Variants in HTR3A observed in about 807,000 individuals in gnomAD.
The protein encoded by HTR3A is 5-hydroxytryptamine receptor 3A, also known as 5-hydroxytryptamine (serotonin) receptor 3A, ionotropic.
In HTR3A, 45 loss-of-function variants were observed where a neutral mutation model predicts 54.8. The ratio of observed to expected loss-of-function variants is 0.82; its 90% CI spans 0.65 to 1.05. HTR3A has a LOEUF of 1.05. Among genes scored for constraint, HTR3A ranks in the 50% least tolerant of loss-of-function variants. HTR3A has a pLI of 0.00. For synonymous variants in HTR3A, 297 were observed against 256.0 expected (o/e 1.16, Z -1.53); for missense variants, 657 against 614.0 (o/e 1.07, Z -0.74).
chr11:113,985,141 C>G (rs570712835), intron 5 of HTR3A, among the ~76,000 whole-genome samples: 1 of 152,106 alleles, frequency 6.6e-6, no homozygotes, highest in Non-Finnish European at 1.5e-5. Flanking sequence ...TATATTTTTC[C>G]AAATCCTTCT....
Position 113,986,131 on chromosome 11 carries a change from T to G in HTR3A, c.661T>G (p.Phe221Val). The G allele has an allele frequency of 1.2e-6, 2 of 1,613,506 alleles. No homozygotes were observed. Among genetic ancestry groups the G allele is most frequent in the Non-Finnish European group, 1.7e-6 (2 of 1,179,924 alleles). Reference protein sequence around the residue: ...LLGVLPYFREFSMESSNYYAE... With the variant: ...LLGVLPYFREVSMESSNYYAE... ...GGGGGTGCTGCCCTACTTTCGGGAG[T>G]TCAGCATGGAAAGCAGTAACTACTA... Residue 221 changes from phenylalanine (F) to valine (V), a missense_variant, in exon 6 of 9, where the codon TTC becomes GTC. Coordinates refer to ENST00000504030, the MANE Select transcript of HTR3A (RefSeq NM_000869.6).
intron 1 of HTR3A, 117 bp downstream of exon 1, chr11:113,975,509 G>A (rs1029796095): frequency 5.0e-5 from 41 of 815,150 alleles, no homozygotes; most frequent in Non-Finnish European, 7.6e-5. Context: ...GCAGCTGCAG[G>A]AAGGTCAGCT....
chr11:113,986,105 T>G lies in HTR3A; in HGVS notation c.635T>G (p.Leu212Arg), dbSNP rs369391589. ...VFMNQGEWEL[L>R]GVLPYFREFS... ...ATGAACCAGGGAGAGTGGGAGTTGC[T>G]GGGGGTGCTGCCCTACTTTCGGGAG... is the stretch of plus-strand genomic sequence containing the variant. The change falls in exon 6 of 9, where the codon CTG becomes CGG. Residue 212 changes from leucine to arginine, a missense_variant. Physicochemically the swap from Leu to Arg is moderately radical, Grantham distance 102. Transcript: ENST00000504030. 1 of 1,614,054 alleles carries G rather than the reference T, an allele frequency of 6.2e-7. No individual in the cohort carries two copies. Among genetic ancestry groups the G allele is most frequent in the African/African-American group, 1.3e-5 (1 of 74,910 alleles).
rs139246177 is a variant in HTR3A, at chr11:113,986,125, C to T, written c.655C>T (p.Arg219Trp). ...GTTGCTGGGGGTGCTGCCCTACTTT[C>T]GGGAGTTCAGCATGGAAAGCAGTAA... Reference protein sequence around the residue: ...WELLGVLPYFREFSMESSNYY... With the variant: ...WELLGVLPYFWEFSMESSNYY... The change falls in exon 6 of 9, where the codon CGG becomes TGG. Residue 219 changes from arginine to tryptophan, a missense_variant. Transcript: ENST00000504030. 189 of 1,613,988 alleles carry T rather than the reference C, an allele frequency of 1.2e-4. No individual in the cohort carries two copies. The highest frequency in any genetic ancestry group is 4.7e-5 in the Non-Finnish European group (55 of 1,180,036).
intron 1 of HTR3A, among the ~76,000 whole-genome samples, chr11:113,976,309 G>T (rs1006206104): frequency 5.9e-5 from 9 of 152,008 alleles, no homozygotes; most frequent in African/African-American, 2.2e-4. Context: ...ATGGTCCTTT[G>T]CCCCGGGCCT....
At chr11:113,983,364 C>A (rs1220149287) in intron 5 of HTR3A, 75 bp downstream of exon 5, 3 of 1,530,134 alleles carry the variant, frequency 2.0e-6, no homozygotes, top group Non-Finnish European at 2.7e-6. Flanking sequence ...GGAGTGCTCC[C>A]CAGGGCGCCT....
chr11:113,983,276 T>C lies in HTR3A; in HGVS notation c.531T>C (p.Ser177=). 1 of 1,614,064 alleles carries C rather than the reference T, an allele frequency of 6.2e-7. No homozygotes were observed. The highest frequency in any genetic ancestry group is 1.1e-5 in the South Asian group (1 of 91,076). ...DVQNCSLTFT[S]WLHTIQDINI... ...AGAACTGCTCGCTGACCTTCACCAG[T>C]TGGCTGCACACCAGTGAGTATGTGG... The change falls in exon 5 of 9, where the codon AGT becomes AGC. Residue 177 remains serine (S), a synonymous_variant. Transcript: ENST00000504030.
At chr11:113,976,405 C>T (rs769606289) in intron 1 of HTR3A, among the ~76,000 whole-genome samples, 3 of 152,024 alleles carry the variant, frequency 2.0e-5, no homozygotes, top group East Asian at 1.9e-4. Flanking sequence ...AAGACGCACA[C>T]GGGTCTGCGT....
In HTR3A at chr11:113,989,997, C is replaced by A; in HGVS notation, c.*234C>A. ...TACACCCTTGTCCCACCCCCAGCAG[C>A]TCACCATGGCTTTAAAACATGCTGT... On this transcript the variant is annotated 3_prime_UTR_variant, in exon 9 of 9. Coordinates refer to ENST00000504030, the MANE Select transcript of HTR3A (RefSeq NM_000869.6). This position sits in a 1 kb window ranked among gnomAD's most constrained non-coding sequence, Gnocchi z 4.4. 1.5e-6 allele frequency: 1 copy of A among 677,982 alleles called. No individual in the cohort carries two copies. The highest frequency in any genetic ancestry group is 1.5e-5 in the South Asian group (1 of 66,470). 42.0% of individuals were successfully genotyped at this position (677,982 alleles called of 1,614,324 possible). A position where few individuals can be genotyped will look rare whatever the true frequency, so the allele number is the denominator to read the frequency against.
rs755147159 is a variant in HTR3A, at chr11:113,983,150, G to T, written c.405G>T (p.Pro135=). The T allele has an allele frequency of 6.2e-7, 1 of 1,614,194 alleles. No homozygotes were observed. Among genetic ancestry groups the T allele is most frequent in the African/African-American group, 1.3e-5 (1 of 75,034 alleles). The part of the protein sequence containing the change: ...FVDVGKSPNI[P]YVYIRHQGEV... ...ATGTGGGGAAGTCTCCAAATATCCC[G>T]TACGTGTATATTCGGCATCAAGGCG... The change falls in exon 5 of 9, where the codon CCG becomes CCT. Residue 135 remains proline, a synonymous_variant. Transcript: ENST00000504030.
intron 5 of HTR3A, among the ~76,000 whole-genome samples, chr11:113,984,214 C>T (rs1462317022): frequency 6.6e-6 from 1 of 152,178 alleles, no homozygotes; most frequent in Non-Finnish European, 1.5e-5. Context: ...ACCCTCTCAT[C>T]CCCTAGACTA....
At chr11:113,982,609 T>C (rs1950434900) in intron 4 of HTR3A, among the ~76,000 whole-genome samples, 1 of 152,222 alleles carries the variant, frequency 6.6e-6, no homozygotes, top group Non-Finnish European at 1.5e-5. Flanking sequence ...TTTCCCCAAT[T>C]CTTATCCATT....
At chr11:113,985,956 A>C (rs1950484631) in intron 5 of HTR3A, 59 bp from the exon 6 acceptor site, 8 of 1,591,622 alleles carry the variant, frequency 5.0e-6, no homozygotes, top group Admixed American at 1.7e-5. Context: ...CCATCATCAC[A>C]GGGTCCAGCA....
chr11:113,979,312 C>T (rs1000530277), intron 3 of HTR3A, 35 bp downstream of exon 3: 1 of 1,567,416 alleles, frequency 6.4e-7, no homozygotes, highest in African/African-American at 1.3e-5. Context: ...CCCCGTTACC[C>T]ATCCTCCTGG....
At chr11:113,979,339 C>T (rs1454897826) in intron 3 of HTR3A, 62 bp downstream of exon 3, 13 of 1,384,164 alleles carry the variant, frequency 9.4e-6, no homozygotes, top group East Asian at 4.6e-5. Context: ...GTCGGGAATT[C>T]GGGAGTTTCA....
At chr11:113,985,052 T>C (rs747801650) in intron 5 of HTR3A, among the ~76,000 whole-genome samples, 24 of 152,360 alleles carry the variant, frequency 1.6e-4, no homozygotes, top group South Asian at 4.1e-4. Flanking sequence ...ACGTCTGCTT[T>C]GACTTCTACC....
intron 8 of HTR3A, among the ~76,000 whole-genome samples, chr11:113,988,999 G>A (rs529478342): frequency 1.3e-5 from 2 of 152,240 alleles, no homozygotes; most frequent in East Asian, 1.9e-4. Flanking sequence ...AGTCATACTG[G>A]TTTTTCAATT....
rs1205631725 is a variant in HTR3A at position 113,986,522 on chromosome 11, T to G, written c.710T>G (p.Val237Gly). ...CAAGCTCTTCTCCGGTCCCAGGTGG[T>G]CATCCGCCGGCGGCCCCTCTTCTAT... is the stretch of plus-strand genomic sequence containing the variant. ...NYYAEMKFYV[V>G]IRRRPLFYVV... The change falls in exon 7 of 9, where the codon GTC becomes GGC. Residue 237 changes from valine to glycine, a missense_variant. Val to Gly is a moderately radical substitution (Grantham distance 109). Coordinates refer to ENST00000504030, the MANE Select transcript of HTR3A (RefSeq NM_000869.6). 1.2e-6 allele frequency: 2 copies of G among 1,612,232 alleles called. No individual in the cohort carries two copies. Among genetic ancestry groups the G allele is most frequent in the African/African-American group, 2.7e-5 (2 of 74,880 alleles).
chr11:113,980,685 C>T (rs1484707484), intron 3 of HTR3A, among the ~76,000 whole-genome samples: 1 of 152,224 alleles, frequency 6.6e-6, no homozygotes, highest in Non-Finnish European at 1.5e-5. Flanking sequence ...TTATATCAGC[C>T]TGTGTCGGCT....
Sources: gnomAD v4.1 joint callset for allele counts (sites outside exome capture counted in the v4.1 genomes callset) on GRCh38, gnomAD v4.1.1 for gene constraint, Gnocchi (gnomAD v3.1) non-coding constraint, MANE v1.5 for transcripts, NCBI Gene and HGNC (gene_info 2026-07-23, HGNC 2026-07-21) for gene names.